The following PTDSS1 variants were observed in gnomAD, a reference collection of about 807,000 sequenced individuals.
PTDSS1 encodes PSS-1.
Under a neutral mutation model 70.5 loss-of-function variants are expected in PTDSS1, and 45 were observed. The ratio of observed to expected loss-of-function variants is 0.64; its 90% CI spans 0.50 to 0.82. PTDSS1 has a LOEUF of 0.82. PTDSS1 is among the 40% of genes least tolerant of loss of function. The pLI, the probability that PTDSS1 is intolerant of heterozygous loss-of-function variation, is 0.00. For synonymous variants in PTDSS1, 188 were observed against 203.8 expected (o/e 0.92, Z 0.66); for missense variants, 417 against 586.1 (o/e 0.71, Z 2.98).
In PTDSS1 at chr8:96,291,222, C is replaced by G. The variant is rs150204949; in HGVS notation, c.442-3876C>G. ...AGAGTCTACTAGAAGGCAAATTAAACAAATAATTGTTGGCTATTGAACCCT... is the reference window on the plus strand; with the variant it reads ...AGAGTCTACTAGAAGGCAAATTAAAGAAATAATTGTTGGCTATTGAACCCT... On this transcript the variant is annotated intron_variant, in intron 4 of 12. Coordinates refer to ENST00000517309, the MANE Select transcript of PTDSS1 (RefSeq NM_014754.3). 5.4e-3 allele frequency among the ~76,000 whole-genome samples: 826 copies of G among 152,092 alleles called. 7 individuals are homozygous for G. The highest frequency in any genetic ancestry group is 0.019 in the African/African-American group (771 of 41,534).
intron 9 of PTDSS1, among the ~76,000 whole-genome samples, chr8:96,310,452 G>A (rs188550865): frequency 0.013 from 2,040 of 151,394 alleles, 20 homozygotes; most frequent in Admixed American, 0.039. Flanking sequence ...ATGAGCCACC[G>A]CACCCGGCCT....
intron 5 of PTDSS1, 112 bp from the exon 6 acceptor site, chr8:96,299,582 A>C (rs1321743082): frequency 1.7e-6 from 2 of 1,172,888 alleles, no homozygotes; most frequent in East Asian, 5.0e-5. Context: ...GGAAAAAATG[A>C]AATGTCAACA....
intron 4 of PTDSS1, among the ~76,000 whole-genome samples, chr8:96,291,758 A>G (rs1304719254): frequency 6.6e-6 from 1 of 152,078 alleles, no homozygotes; most frequent in Non-Finnish European, 1.5e-5. Context: ...GTCCCCCTAT[A>G]TCTTCTATAA....
At chr8:96,309,503 C>T in intron 8 of PTDSS1, 54 bp from the exon 9 acceptor site, 1 of 1,508,684 alleles carries the variant, frequency 6.6e-7, no homozygotes, top group Non-Finnish European at 9.2e-7. Context: ...TAATTATGTG[C>T]TGACTTGCTG....
intron 10 of PTDSS1, 123 bp from the exon 11 acceptor site, chr8:96,330,090 T>C: frequency 1.1e-6 from 1 of 905,138 alleles, no homozygotes; most frequent in Non-Finnish European, 1.8e-6. Flanking sequence ...CGTCCAGCCG[T>C]TTTGTAACCG....
At position 96,262,247 on chromosome 8, in the gene PTDSS1, G is replaced by A; in HGVS notation, c.179+28G>A. The A allele has an allele frequency of 6.3e-7, 1 of 1,594,710 alleles. No individual in the cohort carries two copies. The highest frequency in any genetic ancestry group is 8.6e-7 in the Non-Finnish European group (1 of 1,167,364). On this transcript the variant is annotated intron_variant, in intron 1 of 12. Transcript: ENST00000517309. The surrounding 1 kb of genome is among the most constrained non-coding windows in gnomAD (Gnocchi z 4.4). ...GGGGCGGCCCAGCCGAGCGGGGGGC[G>A]CGTCCAAGGGCTAGGGAAGAGGCGG...
At chr8:96,284,264 CT>C in intron 3 of PTDSS1, 111 bp downstream of exon 3, 1 of 989,640 alleles carries the variant, frequency 1.0e-6, no homozygotes, top group Non-Finnish European at 1.5e-6. Context: ...TTTATTCTAG[CT>C]TTTTGCTTTT....
intron 9 of PTDSS1, among the ~76,000 whole-genome samples, chr8:96,310,570 T>C (rs1811196556): frequency 6.6e-6 from 1 of 152,020 alleles, no homozygotes; most frequent in South Asian, 2.1e-4. Flanking sequence ...AATGGATTGG[T>C]TGCATTCCTT....
chr8:96,299,768 C>T lies in PTDSS1; in HGVS notation c.675C>T (p.Cys225=). Residue 225 remains cysteine, a synonymous_variant, in exon 6 of 13, where the codon TGC becomes TGT. Transcript: ENST00000517309. ...WDQVILDILL[C]NGGGIWLGMV... is the part of the protein sequence containing the mutation. ...AAGTCATTCTGGACATCCTGTTGTG[C>T]AATGGCGGTGGCATTTGGCTGGGCA... The T allele has an allele frequency of 6.2e-7, 1 of 1,614,104 alleles. No individual in the cohort carries two copies. Among genetic ancestry groups the T allele is most frequent in the East Asian group, 2.2e-5 (1 of 44,878 alleles).
At chr8:96,323,110 C>G (rs539530654) in intron 10 of PTDSS1, among the ~76,000 whole-genome samples, 9 of 152,220 alleles carry the variant, frequency 5.9e-5, no homozygotes, top group Admixed American at 6.5e-5. Context: ...TCTCCTTTGA[C>G]TTTATGTTCT....
At chr8:96,297,293 C>T (rs1810989352) in intron 5 of PTDSS1, among the ~76,000 whole-genome samples, 1 of 152,162 alleles carries the variant, frequency 6.6e-6, no homozygotes, top group Non-Finnish European at 1.5e-5. Flanking sequence ...ATTCTCTTGC[C>T]TCAGCCTCCC....
intron 6 of PTDSS1, among the ~76,000 whole-genome samples, chr8:96,301,667 C>T (rs975411574): frequency 6.6e-6 from 1 of 151,588 alleles, no homozygotes; most frequent in Non-Finnish European, 1.5e-5. Flanking sequence ...TTAGCCACCA[C>T]GCCCGGCTAA....
intron 1 of PTDSS1, among the ~76,000 whole-genome samples, chr8:96,263,747 C>T (rs1810448048): frequency 6.6e-6 from 1 of 152,184 alleles, no homozygotes; most frequent in Non-Finnish European, 1.5e-5. Context: ...TGTATTGTGA[C>T]ATATGTGACA....
rs183074556 is a variant in PTDSS1, at chr8:96,334,591, G to C, written c.*1025G>C. ...AATGCTCATTTTCTTGCATCTTACT[G>C]GTATCTTCTATTGATTGTAAGCAGT... On this transcript the variant is annotated 3_prime_UTR_variant, in exon 13 of 13. Coordinates refer to ENST00000517309, the MANE Select transcript of PTDSS1 (RefSeq NM_014754.3). The C allele has an allele frequency of 5.2e-5, 8 of 152,688 alleles. No individual in the cohort carries two copies. Among genetic ancestry groups the C allele is most frequent in the African/African-American group, 9.6e-5 (4 of 41,548 alleles). 9.5% of individuals were successfully genotyped at this position (152,688 alleles called of 1,614,324 possible).
intron 9 of PTDSS1, among the ~76,000 whole-genome samples, chr8:96,312,702 C>T (rs1260695033): frequency 6.6e-6 from 1 of 152,100 alleles, no homozygotes; most frequent in African/African-American, 2.4e-5. Context: ...AAGCCCTCCT[C>T]ATAAATCACA....
chr8:96,306,674 G>T, intron 8 of PTDSS1, 118 bp downstream of exon 8: 1 of 775,674 alleles, frequency 1.3e-6, no homozygotes. Context: ...CCATCGTAAA[G>T]AATTGTACAT....
rs1811558731 is a variant in PTDSS1, at chr8:96,333,955, G to A, written c.*389G>A. ...GCATTAACCCCATGGTTAATGGACTGGTCACCAGTTTTTATTTTATTTTTA... is the reference window on the plus strand; with the variant it reads ...GCATTAACCCCATGGTTAATGGACTAGTCACCAGTTTTTATTTTATTTTTA... On this transcript the variant is annotated 3_prime_UTR_variant, in exon 13 of 13. Transcript: ENST00000517309. The A allele has an allele frequency of 1.3e-5, 6 of 472,852 alleles. No individual in the cohort carries two copies. Among genetic ancestry groups the A allele is most frequent in the East Asian group, 6.5e-5 (2 of 30,936 alleles). The allele number at this position is 472,852 out of a possible 1,614,324, so 29.3% of individuals were successfully genotyped here.
intron 9 of PTDSS1, among the ~76,000 whole-genome samples, chr8:96,316,620 G>T (rs1230343115): frequency 6.6e-6 from 1 of 151,978 alleles, no homozygotes; most frequent in Non-Finnish European, 1.5e-5. Context: ...TCACTACCTG[G>T]GTCCAATATA....
chr8:96,299,587 TCAA>T, intron 5 of PTDSS1, 104 bp from the exon 6 acceptor site: 21 of 1,218,914 alleles, frequency 1.7e-5, no homozygotes, highest in Admixed American at 2.6e-5. Flanking sequence ...AAATGAAATG[TCAA>T]CAACTTCTTC....
Sources: allele counts gnomAD v4.1 joint callset (sites outside exome capture counted in the v4.1 genomes callset), GRCh38; gene constraint gnomAD v4.1.1; non-coding constraint Gnocchi (gnomAD v3.1); transcripts MANE v1.5; gene names NCBI Gene and HGNC (gene_info 2026-07-23, HGNC 2026-07-21).